SLC34A2: variants seen among roughly 807,000 people sequenced by gnomAD.
The protein encoded by SLC34A2 is sodium-dependent phosphate transport protein 2B.
Under a neutral mutation model 50.8 loss-of-function variants are expected in SLC34A2, and 41 were observed. The ratio of observed to expected loss-of-function variants is 0.81; its 90% CI spans 0.63 to 1.05. SLC34A2 has a LOEUF of 1.05. SLC34A2 is among the 50% of genes least tolerant of loss of function. The probability of loss-of-function intolerance (pLI) is 0.00; values close to 1 mark genes in which losing one functional copy is unlikely to be tolerated. For synonymous variants in SLC34A2, 401 were observed against 364.2 expected, an observed-to-expected ratio of 1.10 and a Z score of -1.15; for missense variants, 879 against 876.7, an observed-to-expected ratio of 1.00 and a Z score of -0.03.
chr4:25,674,145 G>A, intron 10 of SLC34A2, 151 bp from the exon 11 acceptor site: 1 of 705,892 alleles, frequency 1.4e-6, no homozygotes, highest in Middle Eastern at 3.2e-4. Context: ...AGACAATGGG[G>A]AATGAAACTG....
At chr4:25,667,747 C>CA (rs372509113) in intron 5 of SLC34A2, 133 bp from the exon 6 acceptor site, 154 of 681,088 alleles carry the variant, frequency 2.3e-4, no homozygotes, top group Middle Eastern at 6.1e-4. Flanking sequence ...GAGTGAGGTG[C>CA]AAAAAAAAAG....
In SLC34A2 at chr4:25,671,602, C is replaced by T; in HGVS notation, c.929C>T (p.Thr310Ile). The change falls in exon 9 of 13, where the codon ACC (threonine) becomes ATC (isoleucine). Residue 310 changes from threonine to isoleucine, a missense_variant and splice_region_variant. Coordinates refer to ENST00000382051, the MANE Select transcript of SLC34A2 (RefSeq NM_006424.3). ...GCATTTGTCATGTTTGTCATCCAGA[C>T]CCAGATTAACGTCACTGTTCCCTCG... Reference protein sequence around the residue: ...KIWCKTFTNKTQINVTVPSTA... With the variant: ...KIWCKTFTNKIQINVTVPSTA... 6.2e-7 allele frequency: 1 copy of T among 1,614,088 alleles called. No homozygotes were observed. The highest frequency in any genetic ancestry group is 8.5e-7 in the Non-Finnish European group (1 of 1,179,998).
intron 6 of SLC34A2, 129 bp downstream of exon 6, chr4:25,668,120 A>C: frequency 1.4e-6 from 1 of 722,738 alleles, no homozygotes; most frequent in Non-Finnish European, 2.5e-6. Flanking sequence ...AGAAGTAACC[A>C]CAGGGAGGTA....
Position 25,678,648 on chromosome 4 carries a change from T to G in SLC34A2, c.*1899T>G. 1.1e-5 allele frequency: 4 copies of G among 358,156 alleles called. No homozygotes were observed. The highest frequency in any genetic ancestry group is 1.0e-5 in the Non-Finnish European group (2 of 193,526). The allele number at this position is 358,156 out of a possible 1,614,324, so 22.2% of individuals were successfully genotyped here. On this transcript the variant is annotated 3_prime_UTR_variant, in exon 13 of 13. Coordinates refer to ENST00000382051, the MANE Select transcript of SLC34A2 (RefSeq NM_006424.3). ...CGCCCACCTCAGCCTCCCAAAGTGCTGAGATCACAGGCGTGAGCCACCACC... is the reference window on the plus strand; with the variant it reads ...CGCCCACCTCAGCCTCCCAAAGTGCGGAGATCACAGGCGTGAGCCACCACC...
In SLC34A2 at chr4:25,674,588, GC is replaced by G; in HGVS notation, c.1419del (p.Leu474Ter). On this transcript the variant is annotated frameshift_variant, in exon 12 of 13. Transcript: ENST00000382051. LOFTEE classifies it low-confidence loss of function (END_TRUNC). ...CACCACCACCACCGCCATCCTGGCC[GC>G]CTTAGCCAGCCCTGGCAATGCATTG... ...IGTTTTAILA[A>X]LASPGNALRS... 1 of 1,614,216 alleles carries G rather than the reference GC, an allele frequency of 6.2e-7. No homozygotes were observed. The highest frequency in any genetic ancestry group is 8.5e-7 in the Non-Finnish European group (1 of 1,180,026).
intron 5 of SLC34A2, 80 bp from the exon 6 acceptor site, chr4:25,667,800 G>A (rs79819729): frequency 0.011 from 9,681 of 888,074 alleles, 125 homozygotes; most frequent in Middle Eastern, 0.039. Flanking sequence ...TACTTCTTTA[G>A]AGGATACCAG....
In SLC34A2 at chr4:25,674,501, C is replaced by T. The variant is rs200812831; in HGVS notation, c.1334-4C>T. ...GATATGTTTGTGTTTTGTGTTTCCC[C>T]CAGGAATCGGCGTGATAACCATTGA... On this transcript the variant is annotated splice_region_variant and splice_polypyrimidine_tract_variant and intron_variant, in intron 11 of 12. Transcript: ENST00000382051. 6.2e-7 allele frequency: 1 copy of T among 1,614,084 alleles called. No individual in the cohort carries two copies. Among genetic ancestry groups the T allele is most frequent in the South Asian group, 1.1e-5 (1 of 91,082 alleles).
rs776977311 is a variant in SLC34A2 at position 25,674,362 on chromosome 4, T to G, written c.1283T>G (p.Phe428Cys). The G allele has an allele frequency of 6.2e-7, 1 of 1,614,178 alleles. No homozygotes were observed. The highest frequency in any genetic ancestry group is 1.1e-5 in the South Asian group (1 of 91,084). ...ATCCTCGTCGGGGCAGGCATGACCTTCATCGTACAGAGCAGCTCTGTGTTC... is the reference window on the plus strand; with the variant it reads ...ATCCTCGTCGGGGCAGGCATGACCTGCATCGTACAGAGCAGCTCTGTGTTC... ...LAILVGAGMT[F>C]IVQSSSVFTS... The change falls in exon 11 of 13, where the codon TTC (phenylalanine) becomes TGC (cysteine). Residue 428 changes from phenylalanine (F) to cysteine (C), a missense_variant. Physicochemically the swap from Phe to Cys is radical, Grantham distance 205. Coordinates refer to ENST00000382051, the MANE Select transcript of SLC34A2 (RefSeq NM_006424.3).
At chr4:25,674,717 T>C (rs1233409388) in intron 12 of SLC34A2, 88 bp downstream of exon 12, 2 of 1,550,760 alleles carry the variant, frequency 1.3e-6, no homozygotes, top group Non-Finnish European at 8.8e-7. Flanking sequence ...GCCAGGCTTT[T>C]CTCTGTACTA....
intron 8 of SLC34A2, among the ~76,000 whole-genome samples, chr4:25,671,216 T>C (rs573556967): frequency 6.6e-6 from 1 of 152,266 alleles, no homozygotes; most frequent in Non-Finnish European, 1.5e-5. Context: ...TTTCCAGACT[T>C]TTCCAGAGTA....
rs1249616108 is a variant in SLC34A2, at chr4:25,669,751, T to C, written c.740T>C (p.Leu247Pro). ...CATTACCTCGAGATCATAACCCAGC[T>C]TATAGTGGAGAGCTTCCACTTCAAG... Reference protein sequence around the residue: ...ATHYLEIITQLIVESFHFKNG... With the variant: ...ATHYLEIITQPIVESFHFKNG... The change falls in exon 7 of 13, where the codon CTT (leucine) becomes CCT (proline). Residue 247 changes from leucine (L) to proline (P), a missense_variant. Physicochemically the swap from Leu to Pro is moderately conservative, Grantham distance 98 (BLOSUM62 -3). Transcript: ENST00000382051. 2 of 1,614,164 alleles carry C rather than the reference T, an allele frequency of 1.2e-6. No homozygotes were observed. Among genetic ancestry groups the C allele is most frequent in the Admixed American group, 1.7e-5 (1 of 60,032 alleles).
chr4:25,666,311 AC>A, intron 5 of SLC34A2, 40 bp downstream of exon 5: 1 of 1,609,598 alleles, frequency 6.2e-7, no homozygotes, highest in Non-Finnish European at 8.5e-7. Context: ...CATTCCAGAC[AC>A]TCTCCTGTCT....
intron 3 of SLC34A2, among the ~76,000 whole-genome samples, chr4:25,663,448 T>C (rs1289791200): frequency 6.6e-6 from 1 of 152,188 alleles, no homozygotes; most frequent in African/African-American, 2.4e-5. Context: ...AAGGCCCCTC[T>C]TCTCAGAGAG....
In SLC34A2 at chr4:25,671,629, C is replaced by T; in HGVS notation, c.956C>T (p.Thr319Ile). ...CAGATTAACGTCACTGTTCCCTCGA[C>T]TGCTAACTGCACCTCCCCTTCCCTC... is the stretch of plus-strand genomic sequence containing the variant. ...KTQINVTVPS[T>I]ANCTSPSLCW... is the part of the protein sequence containing the mutation. The change falls in exon 9 of 13, where the codon ACT becomes ATT. Residue 319 changes from threonine to isoleucine, a missense_variant. Transcript: ENST00000382051. 1 of 1,614,194 alleles carries T rather than the reference C, an allele frequency of 6.2e-7. No homozygotes were observed. Among genetic ancestry groups the T allele is most frequent in the Non-Finnish European group, 8.5e-7 (1 of 1,180,038 alleles).
Position 25,662,559 on chromosome 4 carries a change from G to A in SLC34A2, c.59G>A (p.Gly20Glu). ...AQPNPDKYLE[G>E]AAGQQPTAPD... ...CCCAACCCCGATAAGTACCTCGAAGGGGCCGCAGGTCAGCAGCCCACTGCC... is the reference window on the plus strand; with the variant it reads ...CCCAACCCCGATAAGTACCTCGAAGAGGCCGCAGGTCAGCAGCCCACTGCC... The change falls in exon 2 of 13, where the codon GGG (glycine) becomes GAG (glutamate). Residue 20 changes from glycine to glutamate, a missense_variant. Transcript: ENST00000382051. 1 of 1,613,948 alleles carries A rather than the reference G, an allele frequency of 6.2e-7. No individual in the cohort carries two copies. The highest frequency in any genetic ancestry group is 8.5e-7 in the Non-Finnish European group (1 of 1,179,986).
intron 6 of SLC34A2, among the ~76,000 whole-genome samples, chr4:25,669,380 C>T (rs1714690346): frequency 6.6e-6 from 1 of 152,148 alleles, no homozygotes; most frequent in Admixed American, 6.5e-5. Context: ...GCCCTTGATG[C>T]AATTCTTCGA....
chr4:25,671,692 A>G lies in SLC34A2; in HGVS notation c.1019A>G (p.Asn340Ser), dbSNP rs200560714. 5.6e-6 allele frequency: 9 copies of G among 1,614,214 alleles called. No individual in the cohort carries two copies. In the African/African-American group the frequency reaches 1.1e-4, roughly 19 times the overall value. The change falls in exon 9 of 13, where the codon AAT becomes AGT. Residue 340 changes from asparagine (N) to serine (S), a missense_variant. Physicochemically the swap from Asn to Ser is conservative, Grantham distance 46. Transcript: ENST00000382051. ...GGCATCCAAAACTGGACCATGAAGA[A>G]TGTGACCTACAAGGAGAACATCGCC... ...TDGIQNWTMK[N>S]VTYKENIAKC...
intron 10 of SLC34A2, among the ~76,000 whole-genome samples, chr4:25,673,738 A>G (rs749427998): frequency 2.6e-5 from 4 of 152,156 alleles, no homozygotes; most frequent in Non-Finnish European, 2.9e-5. Flanking sequence ...CGCTAAGCCA[A>G]TGACATCATC....
intron 12 of SLC34A2, 23 bp from the exon 13 acceptor site, chr4:25,676,112 C>T: frequency 6.2e-7 from 1 of 1,613,546 alleles, no homozygotes; most frequent in Non-Finnish European, 8.5e-7. Flanking sequence ...GGCCCCTCAC[C>T]TGTCCAACCT....
Sources: gnomAD v4.1 joint callset for allele counts (sites outside exome capture counted in the v4.1 genomes callset) on GRCh38, gnomAD v4.1.1 for gene constraint, MANE v1.5 for transcripts, NCBI Gene and HGNC (gene_info 2026-07-23, HGNC 2026-07-21) for gene names.